Variants in GATA4 observed in about 807,000 individuals in gnomAD.
The protein encoded by GATA4 is transcription factor GATA-4.
In GATA4, 7 loss-of-function variants were observed where a neutral mutation model predicts 37.9. The observed-to-expected ratio is 0.18, with a 90% CI of 0.11 to 0.35. The LOEUF is 0.35. GATA4 is among the 10% of genes least tolerant of loss of function. GATA4 has a pLI of 1.00. For synonymous variants in GATA4, 372 were observed against 292.6 expected, an observed-to-expected ratio of 1.27 and a Z score of -2.77; for missense variants, 647 against 653.0, an observed-to-expected ratio of 0.99 and a Z score of 0.10.
At chr8:11,715,160 G>A (rs146653873) in intron 2 of GATA4, among the ~76,000 whole-genome samples, 1 of 152,228 alleles carries the variant, frequency 6.6e-6, no homozygotes, top group Non-Finnish European at 1.5e-5. Context: ...AATGCAGGAA[G>A]TGTATATAGC....
At chr8:11,743,565 C>G (rs183194745) in intron 2 of GATA4, among the ~76,000 whole-genome samples, 2 of 152,252 alleles carry the variant, frequency 1.3e-5, no homozygotes, top group South Asian at 4.1e-4. Flanking sequence ...GAGTGGAGAG[C>G]GGAACCGTGA....
chr8:11,687,780 A>G (rs1421537280), upstream of GATA4, among the ~76,000 whole-genome samples: 1 of 152,186 alleles, frequency 6.6e-6, no homozygotes, highest in Non-Finnish European at 1.5e-5. Flanking sequence ...AATGGCTCTG[A>G]CAGGTTTTAT....
At position 11,680,635 on chromosome 8, in the gene GATA4, G is replaced by C. The variant is rs2409802; in HGVS notation, c.-274+3572G>C. On this transcript the variant is annotated intron_variant, in intron 1 of 6. Transcript: ENST00000528712. The stretch of plus-strand genomic sequence containing the variant: ...GGTGGCGTGACCTCTTGCCACGCCT[G>C]GCGCTGCTGGGAACGTGTCTCGGGT... 5,860 of 985,380 alleles carry C rather than the reference G, an allele frequency of 5.9e-3. 225 individuals carry two copies. The African/African-American group carries it at 0.09, about 15-fold the overall frequency. 61.0% of individuals were successfully genotyped at this position (985,380 alleles called of 1,614,324 possible). A position where few individuals can be genotyped will look rare whatever the true frequency, so the allele number is the denominator to read the frequency against.
chr8:11,728,726 C>T (rs1373445652), intron 2 of GATA4, among the ~76,000 whole-genome samples: 2 of 152,050 alleles, frequency 1.3e-5, no homozygotes, highest in African/African-American at 2.4e-5. Flanking sequence ...GGATTCAATA[C>T]CATAAAGGGT....
rs376508589 is a variant in GATA4 at position 11,679,489 on chromosome 8, G to A, written c.-274+2426G>A. Reference sequence around the variant, plus strand: ...AGGCTTGGGCCGAGGGCCGGGAGGAGAGGAGAGTGGAGCCCTCTCAGGCTG... The same window carrying A: ...AGGCTTGGGCCGAGGGCCGGGAGGAAAGGAGAGTGGAGCCCTCTCAGGCTG... On this transcript the variant is annotated intron_variant, in intron 1 of 6. Coordinates refer to the GATA4 transcript ENST00000528712. Among the ~76,000 whole-genome samples, 21 of 152,382 alleles carry A rather than the reference G, an allele frequency of 1.4e-4. No individual in the cohort carries two copies. In the South Asian group the frequency reaches 3.5e-3, roughly 26 times the overall value.
At position 11,708,526 on chromosome 8, in the gene GATA4, G is replaced by T. The variant is rs1310454033; in HGVS notation, c.214G>T (p.Gly72Cys). 2 of 1,454,702 alleles carry T rather than the reference G, an allele frequency of 1.4e-6. No homozygotes were observed. Among genetic ancestry groups the T allele is most frequent in the Non-Finnish European group, 1.8e-6 (2 of 1,110,970 alleles). The allele number at this position is 1,454,702 out of a possible 1,614,324, so 90.1% of individuals were successfully genotyped here. A position where few individuals can be genotyped will look rare whatever the true frequency, so the allele number is the denominator to read the frequency against. Residue 72 changes from glycine (G) to cysteine (C), a missense_variant, in exon 2 of 7, where the codon GGT (glycine) becomes TGT (cysteine). Gly to Cys is a radical substitution (Grantham distance 159, BLOSUM62 -3). Coordinates refer to ENST00000532059, the MANE Select transcript of GATA4 (RefSeq NM_001308093.3). The surrounding 1 kb of genome is among the most constrained non-coding windows in gnomAD (Gnocchi z 6.7). ...ASGGASGGSSGGAASGAGPGT... is the reference protein window; with the variant it reads ...ASGGASGGSSCGAASGAGPGT... Reference sequence around the variant, plus strand: ...CGGAGGCGCCTCGGGCGGCAGCTCCGGTGGGGCCGCGTCTGGTGCGGGGCC... The same window carrying T: ...CGGAGGCGCCTCGGGCGGCAGCTCCTGTGGGGCCGCGTCTGGTGCGGGGCC...
intron 1 of GATA4, among the ~76,000 whole-genome samples, chr8:11,685,184 A>C (rs1042620826): frequency 6.6e-6 from 1 of 152,236 alleles, no homozygotes; most frequent in Non-Finnish European, 1.5e-5. Context: ...CACGATCATT[A>C]AATTATGTTT....
intron 2 of GATA4, among the ~76,000 whole-genome samples, chr8:11,745,238 C>T (rs3207196): frequency 1.2e-4 from 18 of 152,072 alleles, no homozygotes; most frequent in Admixed American, 4.6e-4. Flanking sequence ...GCTGAGATCA[C>T]GCTCCAGGGA....
chr8:11,757,122 G>A, intron 6 of GATA4, 39 bp downstream of exon 6: 2 of 1,610,420 alleles, frequency 1.2e-6, no homozygotes, highest in Non-Finnish European at 1.7e-6. Context: ...TGTTTGTGGG[G>A]AGGCCGACTG....
At position 11,714,803 on chromosome 8, in the gene GATA4, C is replaced by T. The variant is rs560394449; in HGVS notation, c.616+5875C>T. The stretch of plus-strand genomic sequence containing the variant: ...CCATTTCTTTTCTAACTTAAATGCA[C>T]TAAGAAAACAAACACACTGAGGTGT... On this transcript the variant is annotated intron_variant, in intron 2 of 6. Coordinates refer to ENST00000532059, the MANE Select transcript of GATA4 (RefSeq NM_001308093.3). Among the ~76,000 whole-genome samples the T allele has an allele frequency of 3.3e-5, 5 of 152,282 alleles. No individual in the cohort carries two copies. The South Asian group carries it at 1.0e-3, about 32-fold the overall frequency.
intron 2 of GATA4, among the ~76,000 whole-genome samples, chr8:11,745,445 G>A (rs867621435): frequency 6.7e-6 from 1 of 148,478 alleles, no homozygotes; most frequent in African/African-American, 2.5e-5. Flanking sequence ...AATTAGCAAG[G>A]CATGGCAGCA....
rs1183065957 is a variant in GATA4, at chr8:11,708,487, G to A, written c.175G>A (p.Ala59Thr). 6.7e-6 allele frequency: 10 copies of A among 1,495,964 alleles called. No individual in the cohort carries two copies. The highest frequency in any genetic ancestry group is 8.8e-6 in the Non-Finnish European group (10 of 1,129,950). 92.7% of individuals were successfully genotyped at this position (1,495,964 alleles called of 1,614,324 possible). The change falls in exon 2 of 7, where the codon GCG becomes ACG. Residue 59 changes from alanine to threonine, a missense_variant. Around this residue, in one of 5 missense-constraint regions of GATA4, gnomAD observed 379 missense variants for 334.5 expected, o/e 1.13. Transcript: ENST00000532059. The surrounding 1 kb of genome is among the most constrained non-coding windows in gnomAD (Gnocchi z 6.7). ...CCTGTCCTACCTCCAGGGCGGAGGC[G>A]CGGGCTCTGCGTCCGGAGGCGCCTC... ...LGLSYLQGGG[A>T]GSASGGASGG...
At position 11,756,922 on chromosome 8, in the gene GATA4, T is replaced by C. The variant is rs913114491; in HGVS notation, c.1001-13T>C. The C allele has an allele frequency of 6.2e-7, 1 of 1,614,114 alleles. No individual in the cohort carries two copies. The highest frequency in any genetic ancestry group is 1.3e-5 in the African/African-American group (1 of 74,954). On this transcript the variant is annotated splice_polypyrimidine_tract_variant and intron_variant, in intron 5 of 6. Transcript: ENST00000532059. ...GCCGCTGATTTGGGTGTGCTGACTCTGCTTCATTCCAGCTCCTTCAGGCAG... is the reference window on the plus strand; with the variant it reads ...GCCGCTGATTTGGGTGTGCTGACTCCGCTTCATTCCAGCTCCTTCAGGCAG...
chr8:11,692,121 A>G (rs1427249215), upstream of GATA4: 2 of 841,636 alleles, frequency 2.4e-6, no homozygotes, highest in Non-Finnish European at 2.9e-6. Context: ...AGCTCGGGCC[A>G]CCTGTTCTCC....
At position 11,707,214 on chromosome 8, in the gene GATA4, T is replaced by A. The variant is rs1414542279; in HGVS notation, c.-457-642T>A. 3.3e-5 allele frequency among the ~76,000 whole-genome samples: 5 copies of A among 152,216 alleles called. No individual in the cohort carries two copies. The highest frequency in any genetic ancestry group is 1.2e-4 in the African/African-American group (5 of 41,452). ...GCAAGAAACCTGTAACTTGTCCGAT[T>A]TGACGTCCACATGGTTAGTGTATGG... On this transcript the variant is annotated intron_variant, in intron 1 of 6. Coordinates refer to ENST00000532059, the MANE Select transcript of GATA4 (RefSeq NM_001308093.3). The surrounding 1 kb of genome is among the most constrained non-coding windows in gnomAD (Gnocchi z 4.7).
chr8:11,711,767 A>C (rs915598666), intron 2 of GATA4, among the ~76,000 whole-genome samples: 1 of 151,848 alleles, frequency 6.6e-6, no homozygotes, highest in Admixed American at 6.6e-5. Context: ...AAAAAAAAAA[A>C]AAAAACCAGT....
chr8:11,737,001 C>T (rs955041663), intron 2 of GATA4, among the ~76,000 whole-genome samples: 1 of 152,106 alleles, frequency 6.6e-6, no homozygotes, highest in African/African-American at 2.4e-5. Context: ...TAGAACTAAA[C>T]AGATCCCTTG....
At chr8:11,736,409 G>T (rs530957278) in intron 2 of GATA4, among the ~76,000 whole-genome samples, 1 of 152,208 alleles carries the variant, frequency 6.6e-6, no homozygotes, top group Non-Finnish European at 1.5e-5. Context: ...GTTGGCTAAG[G>T]CGTCCACCTC....
chr8:11,758,766 T>G lies in GATA4; in HGVS notation c.*291T>G. The G allele has an allele frequency of 6.5e-6, 3 of 459,176 alleles. No individual in the cohort carries two copies. The highest frequency in any genetic ancestry group is 1.2e-5 in the Non-Finnish European group (3 of 247,752). The allele number at this position is 459,176 out of a possible 1,614,324, so 28.4% of individuals were successfully genotyped here. ...TCCCAAGATGTCCTTGTCCCCTGCG[T>G]TCCCCACTGTGGCCTAGACCGTGGG... On this transcript the variant is annotated 3_prime_UTR_variant, in exon 7 of 7. Coordinates refer to ENST00000532059, the MANE Select transcript of GATA4 (RefSeq NM_001308093.3).
Sources: gnomAD v4.1 joint callset for allele counts (sites outside exome capture counted in the v4.1 genomes callset) on GRCh38, gnomAD v4.1.1 for gene constraint, gnomAD v4.1.1 regional missense constraint, Gnocchi (gnomAD v3.1) non-coding constraint, MANE v1.5 for transcripts, NCBI Gene and HGNC (gene_info 2026-07-23, HGNC 2026-07-21) for gene names.